AHNAK: variants seen among roughly 807,000 people sequenced by gnomAD.
AHNAK encodes the protein AHNAK nucleoprotein.
A neutral mutation model predicts 37.8 loss-of-function variants in AHNAK; 23 were observed. That is an observed-to-expected ratio of 0.61 (90% CI 0.44 to 0.86). The LOEUF is 0.86. AHNAK is among the 40% of genes least tolerant of loss of function. The pLI is 0.00. For missense variants in AHNAK, 7,411 were observed against 7,319.4 expected (o/e 1.01, Z -0.46); for synonymous variants, 2,481 against 2,636.3 (o/e 0.94, Z 1.80).
chr11:62,440,599 G>A (rs1456642207), intron 5 of AHNAK, among the ~76,000 whole-genome samples: 1 of 152,136 alleles, frequency 6.6e-6, no homozygotes, highest in African/African-American at 2.4e-5. Flanking sequence ...GATGACGCCT[G>A]TCATGATCAC....
At chr11:62,435,861 C>G (rs1489958524) in intron 5 of AHNAK, among the ~76,000 whole-genome samples, 1 of 152,218 alleles carries the variant, frequency 6.6e-6, no homozygotes, top group African/African-American at 2.4e-5. Flanking sequence ...CATTTCTACA[C>G]TACCTTTTAT....
intron 4 of AHNAK, among the ~76,000 whole-genome samples, chr11:62,508,345 G>A (rs545108350): frequency 2.0e-4 from 31 of 152,248 alleles, no homozygotes; most frequent in African/African-American, 6.5e-4. Flanking sequence ...GAGACCAATC[G>A]CTTCGCTTTT....
Position 62,523,737 on chromosome 11 carries a change from A to G in AHNAK, c.10680T>C (p.Asp3560=). The G allele has an allele frequency of 6.2e-7, 1 of 1,613,320 alleles. No homozygotes were observed. The highest frequency in any genetic ancestry group is 1.1e-5 in the South Asian group (1 of 91,026). ...LNLKGPKVKG[D]VDISLPKLEG... ...CAAGTTTGGGAAGAGAAATATCCACATCACCTTTCACCTTGGGGCCTTTCA... is the reference window on the plus strand; with the variant it reads ...CAAGTTTGGGAAGAGAAATATCCACGTCACCTTTCACCTTGGGGCCTTTCA... Residue 3560 remains aspartate (D), a synonymous_variant, in exon 5 of 5, where the codon GAT becomes GAC. Coordinates refer to ENST00000378024, the MANE Select transcript of AHNAK (RefSeq NM_001620.3).
At chr11:62,486,626 G>A (rs953388376) in intron 5 of AHNAK, among the ~76,000 whole-genome samples, 3 of 152,106 alleles carry the variant, frequency 2.0e-5, no homozygotes, top group African/African-American at 7.2e-5. Context: ...TTCAATTGGG[G>A]AAGATGAGAA....
At chr11:62,465,111 T>G (rs2509958) in intron 5 of AHNAK, among the ~76,000 whole-genome samples, 143,338 of 152,090 alleles carry the variant, frequency 0.94, 67,854 homozygotes, top group African/African-American at 0.96. Context: ...GAGCCCCAAG[T>G]CTCAGCCCTT....
At position 62,516,344 on chromosome 11, in the gene AHNAK, C is replaced by G; in HGVS notation, c.*400G>C. On this transcript the variant is annotated 3_prime_UTR_variant, in exon 5 of 5. Coordinates refer to ENST00000378024, the MANE Select transcript of AHNAK (RefSeq NM_001620.3). The stretch of plus-strand genomic sequence containing the variant: ...CAACCCATCACCCCACCCACCCTTA[C>G]TAACAAAAGCCCCCAAAGTCATTAC... 1 of 1,129,958 alleles carries G rather than the reference C, an allele frequency of 8.8e-7. No individual in the cohort carries two copies. Among genetic ancestry groups the G allele is most frequent in the Non-Finnish European group, 1.2e-6 (1 of 847,364 alleles). 70.0% of individuals were successfully genotyped at this position (1,129,958 alleles called of 1,614,324 possible).
chr11:62,541,021 G>A (rs1391403999), intron 1 of AHNAK, among the ~76,000 whole-genome samples: 7 of 152,204 alleles, frequency 4.6e-5, no homozygotes, highest in Admixed American at 2.0e-4. Flanking sequence ...CACTGCCCTC[G>A]GAGAACAGTG....
intron 5 of AHNAK, among the ~76,000 whole-genome samples, chr11:62,491,486 CCTT>C (rs1444303265): frequency 2.0e-5 from 3 of 152,154 alleles, no homozygotes; most frequent in Admixed American, 6.6e-5. Context: ...GCTTGAGACT[CCTT>C]CTGAAGGAGT....
At position 62,519,522 on chromosome 11, in the gene AHNAK, G is replaced by A. The variant is rs537813230; in HGVS notation, c.14895C>T (p.Ile4965=). Residue 4965 remains isoleucine (I), a synonymous_variant, in exon 5 of 5, where the codon ATC becomes ATT. Coordinates refer to ENST00000378024, the MANE Select transcript of AHNAK (RefSeq NM_001620.3). ...DVHMDSPDIN[I]EGPDVKIPKF... ...TGGGGATTTTAACATCTGGCCCTTCGATGTTAATATCTGGGCTGTCCATGT... is the reference window on the plus strand; with the variant it reads ...TGGGGATTTTAACATCTGGCCCTTCAATGTTAATATCTGGGCTGTCCATGT... 1.8e-5 allele frequency: 29 copies of A among 1,612,882 alleles called. No individual in the cohort carries two copies. The highest frequency in any genetic ancestry group is 2.2e-5 in the South Asian group (2 of 90,750).
rs1461064164 is a variant in AHNAK, at chr11:62,533,512, C to A, written c.905G>T (p.Gly302Val). The A allele has an allele frequency of 6.2e-7, 1 of 1,614,154 alleles. No individual in the cohort carries two copies. Among genetic ancestry groups the A allele is most frequent in the East Asian group, 2.2e-5 (1 of 44,878 alleles). The change falls in exon 5 of 5, where the codon GGC becomes GTC. Residue 302 changes from glycine (G) to valine (V), a missense_variant. Coordinates refer to ENST00000378024, the MANE Select transcript of AHNAK (RefSeq NM_001620.3). ...QGPSLESGDH[G>V]KIKFPTMKVP... ...TTTCATGGTGGGAAATTTAATTTTG[C>A]CATGATCACCACTCTCCAGAGATGG...
At chr11:62,452,443 C>A (rs575588663) in intron 5 of AHNAK, among the ~76,000 whole-genome samples, 1 of 152,214 alleles carries the variant, frequency 6.6e-6, no homozygotes, top group South Asian at 2.1e-4. Flanking sequence ...AGGTCAAGGG[C>A]TGAGAGGTCT....
At position 62,528,076 on chromosome 11, in the gene AHNAK, G is replaced by C; in HGVS notation, c.6341C>G (p.Ala2114Gly). 2 of 1,613,248 alleles carry C rather than the reference G, an allele frequency of 1.2e-6. No individual in the cohort carries two copies. Among genetic ancestry groups the C allele is most frequent in the South Asian group, 2.2e-5 (2 of 91,034 alleles). ...CACATCAGGCATGGAGATCTTGGGGGCCTTGAAGTGCATCTCAGGCATCTT... is the reference window on the plus strand; with the variant it reads ...CACATCAGGCATGGAGATCTTGGGGCCCTTGAAGTGCATCTCAGGCATCTT... The part of the protein sequence containing the change: ...KLKMPEMHFK[A>G]PKISMPDVDL... Residue 2114 changes from alanine to glycine, a missense_variant, in exon 5 of 5, where the codon GCC becomes GGC. By Grantham distance (60) the Ala-to-Gly change is moderately conservative. Coordinates refer to ENST00000378024, the MANE Select transcript of AHNAK (RefSeq NM_001620.3).
chr11:62,527,640 C>A lies in AHNAK; in HGVS notation c.6777G>T (p.Glu2259Asp). The A allele has an allele frequency of 6.2e-7, 1 of 1,614,012 alleles. No individual in the cohort carries two copies. The highest frequency in any genetic ancestry group is 8.5e-7 in the Non-Finnish European group (1 of 1,180,000). Residue 2259 changes from glutamate (E) to aspartate (D), a missense_variant, in exon 5 of 5, where the codon GAG (glutamate) becomes GAT (aspartate). Transcript: ENST00000378024. ...PKFSMPGFKG[E>D]GPEVDVNLPK... is the part of the protein sequence containing the mutation. ...GCAAGTTCACATCCACTTCTGGGCC[C>A]TCTCCTTTGAAGCCAGGCATGCTGA...
In AHNAK at chr11:62,472,783, T is replaced by C. The variant is rs149596844; in HGVS notation, c.442+18949A>G. Among the ~76,000 whole-genome samples, 8 of 152,076 alleles carry C rather than the reference T, an allele frequency of 5.3e-5. No homozygotes were observed. In the East Asian group the frequency reaches 1.5e-3, roughly 29 times the overall value. On this transcript the variant is annotated intron_variant, in intron 5 of 5. Coordinates refer to the AHNAK transcript ENST00000257247. The stretch of plus-strand genomic sequence containing the variant: ...CACTTATCTGAGGTACCTGCAGTAG[T>C]AAAATTCACGAAACAAAGTAGGGCT...
chr11:62,438,794 G>A (rs950750924), intron 5 of AHNAK, among the ~76,000 whole-genome samples: 2 of 152,138 alleles, frequency 1.3e-5, no homozygotes, highest in Non-Finnish European at 2.9e-5. Flanking sequence ...GCTTTATGTG[G>A]TATCTTCCTC....
Position 62,524,809 on chromosome 11 carries a change from T to C in AHNAK, c.9608A>G (p.Lys3203Arg), listed in dbSNP as rs1427457832. 1 of 1,614,206 alleles carries C rather than the reference T, an allele frequency of 6.2e-7. No homozygotes were observed. The highest frequency in any genetic ancestry group is 2.2e-5 in the East Asian group (1 of 44,880). ...CTCTGGCATCTTGAATTTAGGGCCC[T>C]TCAGTTTCGCATCTGGACCTTCAAT... ...VNIEGPDAKL[K>R]GPKFKMPEMN... Residue 3203 changes from lysine to arginine, a missense_variant, in exon 5 of 5, where the codon AAG becomes AGG. Coordinates refer to ENST00000378024, the MANE Select transcript of AHNAK (RefSeq NM_001620.3).
At chr11:62,508,880 C>T (rs993890902) in intron 4 of AHNAK, among the ~76,000 whole-genome samples, 1 of 152,252 alleles carries the variant, frequency 6.6e-6, no homozygotes, top group African/African-American at 2.4e-5. Context: ...CCCGAGATCA[C>T]GCCAAGGCTA....
intron 4 of AHNAK, among the ~76,000 whole-genome samples, chr11:62,495,587 AC>A (rs1415186002): frequency 5.9e-5 from 9 of 151,266 alleles, no homozygotes; most frequent in African/African-American, 9.7e-5. Context: ...AAAAAAAAAA[AC>A]ATTAGCTGGG....
At chr11:62,459,985 C>A (rs1938749275) in intron 5 of AHNAK, among the ~76,000 whole-genome samples, 1 of 151,996 alleles carries the variant, frequency 6.6e-6, no homozygotes, top group Admixed American at 6.6e-5. Context: ...ACTAATAATA[C>A]AAAAATTAGC....
Sources: gnomAD v4.1 joint callset for allele counts (sites outside exome capture counted in the v4.1 genomes callset) on GRCh38, gnomAD v4.1.1 for gene constraint, MANE v1.5 for transcripts, NCBI Gene and HGNC (gene_info 2026-07-23, HGNC 2026-07-21) for gene names.